The following OTULIN variants were observed in gnomAD, a reference collection of about 807,000 sequenced individuals.
OTULIN encodes ubiquitin thioesterase otulin.
OTULIN carries 15 observed loss-of-function variants against 39.6 expected under a neutral mutation model. That is an observed-to-expected ratio of 0.38 (90% CI 0.25 to 0.58). The LOEUF (loss-of-function observed/expected upper bound fraction) is 0.58. OTULIN is among the 20% of genes least tolerant of loss of function. The probability of loss-of-function intolerance (pLI) is 0.66; values close to 1 mark genes in which losing one functional copy is unlikely to be tolerated. For missense variants in OTULIN, 319 were observed against 445.9 expected, an observed-to-expected ratio of 0.72 and a Z score of 2.56; for synonymous variants, 156 against 170.3, an observed-to-expected ratio of 0.92 and a Z score of 0.65.
intron 3 of OTULIN, among the ~76,000 whole-genome samples, chr5:14,679,739 G>T (rs970342574): frequency 1.1e-4 from 17 of 152,150 alleles, no homozygotes; most frequent in Non-Finnish European, 2.2e-4. Flanking sequence ...GCTGACCTTA[G>T]AAAAATCTAG....
intron 6 of OTULIN, 84 bp from the exon 7 acceptor site, chr5:14,692,770 T>G: frequency 8.1e-7 from 1 of 1,229,402 alleles, no homozygotes; most frequent in Non-Finnish European, 1.2e-6. Flanking sequence ...TGCTGTGCAC[T>G]GTGGGATAAT....
At chr5:14,686,052 G>T (rs1395535788) in intron 4 of OTULIN, among the ~76,000 whole-genome samples, 1 of 152,142 alleles carries the variant, frequency 6.6e-6, no homozygotes, top group Admixed American at 6.5e-5. Flanking sequence ...CACCCTTAGT[G>T]AGTGATGTAG....
intron 3 of OTULIN, 60 bp from the exon 4 acceptor site, chr5:14,681,404 C>G: frequency 6.5e-7 from 1 of 1,529,522 alleles, no homozygotes; most frequent in Non-Finnish European, 8.8e-7. Context: ...AGGAATGAAA[C>G]TTTCTCTGCT....
Position 14,690,428 on chromosome 5 carries a change from C to G in OTULIN, c.864+120C>G. 1 of 1,232,142 alleles carries G rather than the reference C, an allele frequency of 8.1e-7. No individual in the cohort carries two copies. Among genetic ancestry groups the G allele is most frequent in the Non-Finnish European group, 1.1e-6 (1 of 891,512 alleles). The allele number at this position is 1,232,142 out of a possible 1,614,324, so 76.3% of individuals were successfully genotyped here. On this transcript the variant is annotated intron_variant, in intron 6 of 6. Coordinates refer to ENST00000284274, the MANE Select transcript of OTULIN (RefSeq NM_138348.6). The surrounding 1 kb of genome is among the most constrained non-coding windows in gnomAD (Gnocchi z 4.5). The stretch of plus-strand genomic sequence containing the variant: ...ACAGCTTAGTTGGATGGTTCTGGCT[C>G]AGGATGTCATGAGGCTGCAGTTGTA...
intron 1 of OTULIN, among the ~76,000 whole-genome samples, chr5:14,666,105 C>T (rs1258920504): frequency 1.3e-5 from 2 of 152,210 alleles, no homozygotes; most frequent in Non-Finnish European, 2.9e-5. Flanking sequence ...GCTTTGCCTG[C>T]CTTCTACCCT....
At chr5:14,683,789 C>G (rs1372823674) in intron 4 of OTULIN, among the ~76,000 whole-genome samples, 1 of 152,076 alleles carries the variant, frequency 6.6e-6, no homozygotes, top group African/African-American at 2.4e-5. Context: ...TTTATACTTT[C>G]TGAGAATCTG....
intron 4 of OTULIN, among the ~76,000 whole-genome samples, chr5:14,683,640 TA>T (rs966000017): frequency 6.6e-6 from 1 of 152,236 alleles, no homozygotes; most frequent in African/African-American, 2.4e-5. Context: ...ACTGTGGCTA[TA>T]TTATATTAAT....
intron 4 of OTULIN, among the ~76,000 whole-genome samples, chr5:14,683,474 A>G (rs1469407669): frequency 6.6e-6 from 1 of 152,256 alleles, no homozygotes; most frequent in Non-Finnish European, 1.5e-5. Context: ...ATGGTTGGAT[A>G]TAAGACCCAA....
chr5:14,681,666 T>C (rs773077455), intron 4 of OTULIN, 59 bp downstream of exon 4: 958 of 1,536,876 alleles, frequency 6.2e-4, no homozygotes, highest in Non-Finnish European at 8.0e-4. Context: ...GTGAGAAAAC[T>C]TTCCCTTTCT....
At chr5:14,671,543 G>C (rs1380505442) in intron 1 of OTULIN, among the ~76,000 whole-genome samples, 1 of 152,212 alleles carries the variant, frequency 6.6e-6, no homozygotes, top group Non-Finnish European at 1.5e-5. Flanking sequence ...ATTGAGAGAA[G>C]AACGAACACA....
At chr5:14,700,920 A>C (rs545622332), downstream of OTULIN, among the ~76,000 whole-genome samples, 1 of 152,230 alleles carries the variant, frequency 6.6e-6, no homozygotes, top group Non-Finnish European at 1.5e-5. Context: ...ATGCTTTCCT[A>C]ACTCAGAAAT....
chr5:14,689,895 G>A, intron 5 of OTULIN, 144 bp from the exon 6 acceptor site: 1 of 800,640 alleles, frequency 1.2e-6, no homozygotes, highest in Non-Finnish European at 2.0e-6. Flanking sequence ...TGTACCATTT[G>A]TTAATCTGGA....
the OTULIN span, chr5:14,713,462 C>CT: frequency 1.3e-6 from 2 of 1,571,296 alleles, no homozygotes; most frequent in Non-Finnish European, 1.7e-6. This position sits in a 1 kb window ranked among gnomAD's most constrained non-coding sequence, Gnocchi z 4.4. Context: ...GGGATTTCCC[C>CT]TGAAAATGTA....
chr5:14,678,337 A>T (rs763979945), intron 2 of OTULIN, among the ~76,000 whole-genome samples: 16 of 152,128 alleles, frequency 1.1e-4, no homozygotes, highest in Admixed American at 6.5e-5. Context: ...AGAGAGGGGG[A>T]CTATATGAGG....
At chr5:14,712,784 G>A in the OTULIN span, 63 of 1,306,690 alleles carry the variant, frequency 4.8e-5, no homozygotes, top group East Asian at 2.5e-5. Flanking sequence ...ACTGACGAAC[G>A]CCACCATCCA....
intron 1 of OTULIN, among the ~76,000 whole-genome samples, chr5:14,672,421 C>T (rs539864675): frequency 1.3e-5 from 2 of 152,208 alleles, no homozygotes; most frequent in South Asian, 4.2e-4. Flanking sequence ...CTCTTTCCCC[C>T]AGCTGTACTA....
intron 3 of OTULIN, among the ~76,000 whole-genome samples, chr5:14,679,940 T>C (rs549072993): frequency 3.3e-4 from 50 of 152,278 alleles, no homozygotes; most frequent in Admixed American, 3.1e-3. Flanking sequence ...TTCCAACCTC[T>C]AGCCCATCAG....
downstream of OTULIN, among the ~76,000 whole-genome samples, chr5:14,700,715 A>G (rs958424673): frequency 7.3e-6 from 1 of 136,802 alleles, no homozygotes; most frequent in African/African-American, 2.8e-5. Flanking sequence ...GCTCTTGTGC[A>G]TTTGTCACTG....
At position 14,688,959 on chromosome 5, in the gene OTULIN, A is replaced by G. The variant is rs565332310; in HGVS notation, c.595-1080A>G. 2.0e-5 allele frequency among the ~76,000 whole-genome samples: 3 copies of G among 152,336 alleles called. No homozygotes were observed. The East Asian group carries it at 5.8e-4, about 29-fold the overall frequency. ...AGTGGTGCCAATTTGCAATAAGGTTAAAATTACTAATAATCTGAGCCAGCA... is the reference window on the plus strand; with the variant it reads ...AGTGGTGCCAATTTGCAATAAGGTTGAAATTACTAATAATCTGAGCCAGCA... On this transcript the variant is annotated intron_variant, in intron 5 of 6. Coordinates refer to ENST00000284274, the MANE Select transcript of OTULIN (RefSeq NM_138348.6).
Sources: allele counts gnomAD v4.1 joint callset (sites outside exome capture counted in the v4.1 genomes callset), GRCh38; gene constraint gnomAD v4.1.1; non-coding constraint Gnocchi (gnomAD v3.1); transcripts MANE v1.5; gene names NCBI Gene and HGNC (gene_info 2026-07-23, HGNC 2026-07-21).